DACH1: variants seen among roughly 807,000 people sequenced by gnomAD.
The protein encoded by DACH1 is dachshund homolog 1.
In DACH1, 12 loss-of-function variants were observed where a neutral mutation model predicts 54.2. The observed-to-expected ratio is 0.22, with a 90% confidence interval of 0.14 to 0.36. The LOEUF is 0.36. DACH1 is among the 10% of genes least tolerant of loss of function. The probability of loss-of-function intolerance (pLI) is 1.00; values close to 1 mark genes in which losing one functional copy is unlikely to be tolerated. For synonymous variants in DACH1, 386 were observed against 366.2 expected (o/e 1.05, Z -0.62); for missense variants, 805 against 929.8 (o/e 0.87, Z 1.75).
intron 10 of DACH1, among the ~76,000 whole-genome samples, chr13:71,462,528 A>AG (rs1023823078): frequency 1.4e-4 from 21 of 151,402 alleles, no homozygotes; most frequent in Non-Finnish European, 2.4e-4. Context: ...GAAAAAAAAA[A>AG]TCATTGACTG....
chr13:71,497,911 GACAC>G (rs774606845), intron 6 of DACH1, among the ~76,000 whole-genome samples: 1 of 146,644 alleles, frequency 6.8e-6, no homozygotes, highest in Non-Finnish European at 1.5e-5. Context: ...CAGATACACA[GACAC>G]ACACACACAT....
At chr13:71,519,483 T>C (rs372420475) in intron 6 of DACH1, among the ~76,000 whole-genome samples, 1 of 151,748 alleles carries the variant, frequency 6.6e-6, no homozygotes, top group Non-Finnish European at 1.5e-5. Flanking sequence ...ATTAGGCAGG[T>C]TTCCTACCAT....
intron 6 of DACH1, among the ~76,000 whole-genome samples, chr13:71,536,806 A>G (rs1347240020): frequency 6.6e-6 from 1 of 151,994 alleles, no homozygotes; most frequent in African/African-American, 2.4e-5. Flanking sequence ...CCCATTATCA[A>G]ATTCCTCAAG....
At chr13:71,560,424 T>A (rs1347413626) in intron 4 of DACH1, among the ~76,000 whole-genome samples, 3 of 152,182 alleles carry the variant, frequency 2.0e-5, no homozygotes, top group Non-Finnish European at 4.4e-5. Context: ...TAACAGGTAT[T>A]CCATCCTAGT....
chr13:71,819,078 G>A (rs1479102314), intron 1 of DACH1, among the ~76,000 whole-genome samples: 1 of 152,166 alleles, frequency 6.6e-6, no homozygotes, highest in Non-Finnish European at 1.5e-5. Context: ...GGGGCTGCCA[G>A]GTGTGGGAGG....
intron 10 of DACH1, among the ~76,000 whole-genome samples, chr13:71,460,108 C>T (rs1875942884): frequency 6.6e-6 from 1 of 151,972 alleles, no homozygotes; most frequent in South Asian, 2.1e-4. Flanking sequence ...ACCAAGGCAA[C>T]CAAGAACTGC....
chr13:71,570,719 C>T (rs769781863), intron 4 of DACH1, among the ~76,000 whole-genome samples: 2 of 152,082 alleles, frequency 1.3e-5, no homozygotes, highest in Admixed American at 1.3e-4. Flanking sequence ...CTCCATATAT[C>T]CCCCTCCTTT....
At chr13:71,754,836 AAAAC>A (rs778180399) in intron 1 of DACH1, among the ~76,000 whole-genome samples, 6 of 152,176 alleles carry the variant, frequency 3.9e-5, no homozygotes, top group African/African-American at 7.2e-5. Context: ...AGTCTAATAA[AAAAC>A]AAAGAGGTAG....
At chr13:71,717,680 G>A (rs897648895) in intron 1 of DACH1, among the ~76,000 whole-genome samples, 2 of 151,256 alleles carry the variant, frequency 1.3e-5, no homozygotes, top group Admixed American at 6.6e-5. Flanking sequence ...ATATAAAGTC[G>A]ATGGAAAAAA....
In DACH1 at chr13:71,681,869, G is replaced by A; in HGVS notation, c.890C>T (p.Thr297Ile). ...GRPPKRTQSV[T>I]SPENSHIMPH... ...CATGATGTGAGAGTTCTCTGGGGAG[G>A]TGACACTTTGAGTCCTCTTAGGAGG... Residue 297 changes from threonine (T) to isoleucine (I), a missense_variant, in exon 2 of 11, where the codon ACC (threonine) becomes ATC (isoleucine). Physicochemically the swap from Thr to Ile is moderately conservative, Grantham distance 89. This residue lies in a region of DACH1 where 472 missense variants were observed against 545.3 expected (regional missense o/e 0.87). Coordinates refer to ENST00000613252, the MANE Select transcript of DACH1 (RefSeq NM_080759.6). 6.8e-6 allele frequency: 11 copies of A among 1,613,906 alleles called. No homozygotes were observed. Among genetic ancestry groups the A allele is most frequent in the Non-Finnish European group, 9.3e-6 (11 of 1,179,866 alleles).
chr13:71,801,791 G>C (rs1204136077), intron 1 of DACH1, among the ~76,000 whole-genome samples: 1 of 148,982 alleles, frequency 6.7e-6, no homozygotes, highest in African/African-American at 2.5e-5. Flanking sequence ...GAGTTGTAAT[G>C]AACACCTTCC....
At chr13:71,593,007 C>T (rs1030335998) in intron 3 of DACH1, among the ~76,000 whole-genome samples, 4 of 151,912 alleles carry the variant, frequency 2.6e-5, no homozygotes, top group African/African-American at 7.3e-5. Context: ...CCTCAGAGTA[C>T]GGATTTTGAC....
chr13:71,621,246 A>G (rs1876214283), intron 3 of DACH1, among the ~76,000 whole-genome samples: 1 of 151,904 alleles, frequency 6.6e-6, no homozygotes, highest in African/African-American at 2.4e-5. Flanking sequence ...AGTGACAGGA[A>G]TGGTGATTCA....
chr13:71,856,945 CT>C (rs1407288021), intron 1 of DACH1, among the ~76,000 whole-genome samples: 2 of 151,730 alleles, frequency 1.3e-5, no homozygotes, highest in African/African-American at 2.4e-5. Flanking sequence ...GTCTCTTTTC[CT>C]TTATGTTATG....
chr13:71,711,271 G>A (rs1040640068), intron 1 of DACH1, among the ~76,000 whole-genome samples: 5 of 152,058 alleles, frequency 3.3e-5, no homozygotes, highest in Admixed American at 3.3e-4. Context: ...GGATATAGAT[G>A]AGATATGAAA....
Position 71,630,831 on chromosome 13 carries a change from T to C in DACH1, c.965-114A>G, listed in dbSNP as rs1594014920. ...TTTATTAGAGTATCTGATTCCTTTATGCAACACTTTGATAACTTATACTCA... is the reference window on the plus strand; with the variant it reads ...TTTATTAGAGTATCTGATTCCTTTACGCAACACTTTGATAACTTATACTCA... On this transcript the variant is annotated intron_variant, in intron 2 of 10. Transcript: ENST00000613252. 5 of 1,219,358 alleles carry C rather than the reference T, an allele frequency of 4.1e-6. No individual in the cohort carries two copies. The African/African-American group carries it at 4.6e-5, about 11-fold the overall frequency. 75.5% of individuals were successfully genotyped at this position (1,219,358 alleles called of 1,614,324 possible). A position where few individuals can be genotyped will look rare whatever the true frequency, so the allele number is the denominator to read the frequency against.
chr13:71,556,691 G>A (rs1023900554), intron 6 of DACH1, among the ~76,000 whole-genome samples: 3 of 151,902 alleles, frequency 2.0e-5, no homozygotes, highest in Non-Finnish European at 4.4e-5. Context: ...GTTCTATCAT[G>A]CTAAGTAAAA....
chr13:71,596,476 TTA>T (rs1250788140), intron 3 of DACH1, among the ~76,000 whole-genome samples: 6 of 152,212 alleles, frequency 3.9e-5, no homozygotes, highest in Non-Finnish European at 8.8e-5. Context: ...GTGTTCATAT[TTA>T]TGGTTTAATA....
intron 4 of DACH1, among the ~76,000 whole-genome samples, chr13:71,562,206 C>A (rs1884628152): frequency 6.6e-6 from 1 of 152,020 alleles, no homozygotes; most frequent in South Asian, 2.1e-4. Flanking sequence ...AAGCATTAGC[C>A]CTTTACCTTA....
Sources: gnomAD v4.1 joint callset for allele counts (sites outside exome capture counted in the v4.1 genomes callset) on GRCh38, gnomAD v4.1.1 for gene constraint, gnomAD v4.1.1 regional missense constraint, MANE v1.5 for transcripts, NCBI Gene and HGNC (gene_info 2026-07-23, HGNC 2026-07-21) for gene names.